The following BIRC6 variants were observed in gnomAD, a reference collection of about 807,000 sequenced individuals.
BIRC6 encodes the protein baculoviral IAP repeat containing 6.
Under a neutral mutation model 503.3 loss-of-function variants are expected in BIRC6, and 98 were observed. The observed-to-expected ratio is 0.19, with a 90% CI of 0.17 to 0.23. BIRC6 has a LOEUF of 0.23. BIRC6 is among the 10% of genes least tolerant of loss of function. The pLI is 1.00. For synonymous variants in BIRC6, 2,240 were observed against 2,078.7 expected, an observed-to-expected ratio of 1.08 and a Z score of -2.11; for missense variants, 5,360 against 5,806.0, an observed-to-expected ratio of 0.92 and a Z score of 2.50.
intron 1 of BIRC6, among the ~76,000 whole-genome samples, chr2:32,369,538 C>T (rs995149216): frequency 1.3e-5 from 2 of 150,306 alleles, no homozygotes; most frequent in South Asian, 4.2e-4. Context: ...AGCGTTTCTT[C>T]TGCTTCAGCC....
At chr2:32,530,368 G>C (rs2056633103) in intron 60 of BIRC6, among the ~76,000 whole-genome samples, 1 of 151,856 alleles carries the variant, frequency 6.6e-6, no homozygotes, top group African/African-American at 2.4e-5. Flanking sequence ...CCACCACCAT[G>C]CCTGGCTAAT....
chr2:32,565,375 T>C (rs2059466937), intron 65 of BIRC6: 1 of 152,174 alleles, frequency 6.6e-6, no homozygotes, highest in Non-Finnish European at 1.5e-5. Context: ...TAAGACATAT[T>C]TTATTAATTA....
chr2:32,423,075 G>T (rs1247102966), intron 10 of BIRC6, among the ~76,000 whole-genome samples: 1 of 152,076 alleles, frequency 6.6e-6, no homozygotes, highest in Non-Finnish European at 1.5e-5. Context: ...GGTTAGCTGG[G>T]ATTACAGGCG....
chr2:32,585,408 CTCACTCTGTCACCCAGTCTAGAGTGCT>C (rs1159286657), intron 66 of BIRC6, among the ~76,000 whole-genome samples: 1 of 149,330 alleles, frequency 6.7e-6, no homozygotes, highest in African/African-American at 2.5e-5. Flanking sequence ...GAGACAAAGT[CTCACTCTGTCACCCAGTCTAGAGTGCT>C]GTGGCGTGAT....
At chr2:32,537,959 C>G (rs1030239576) in intron 61 of BIRC6, among the ~76,000 whole-genome samples, 1 of 149,480 alleles carries the variant, frequency 6.7e-6, no homozygotes, top group Non-Finnish European at 1.5e-5. Flanking sequence ...AGCGAGACTC[C>G]GTCTCAAAAA....
At chr2:32,579,984 C>T (rs1407418009) in intron 66 of BIRC6, among the ~76,000 whole-genome samples, 8 of 144,918 alleles carry the variant, frequency 5.5e-5, no homozygotes, top group African/African-American at 1.5e-4. Context: ...GACAGAGTCT[C>T]GCTCTCTCGG....
intron 1 of BIRC6, among the ~76,000 whole-genome samples, chr2:32,371,976 T>G (rs1034625784): frequency 2.6e-5 from 4 of 151,786 alleles, no homozygotes; most frequent in Admixed American, 2.0e-4. Context: ...CAGTTATTTT[T>G]GTATTTTTAG....
intron 73 of BIRC6, among the ~76,000 whole-genome samples, chr2:32,613,017 G>A (rs1167859054): frequency 1.3e-5 from 2 of 151,996 alleles, no homozygotes; most frequent in Non-Finnish European, 2.9e-5. Flanking sequence ...CATCTCTCCA[G>A]TTCTCAACGC....
chr2:32,540,254 A>T (rs1559009557), intron 61 of BIRC6, among the ~76,000 whole-genome samples: 1 of 152,056 alleles, frequency 6.6e-6, no homozygotes, highest in Non-Finnish European at 1.5e-5. Flanking sequence ...AAATTGGAGC[A>T]TTTGACTACT....
At chr2:32,397,306 G>A (rs1573922019) in intron 6 of BIRC6, among the ~76,000 whole-genome samples, 1 of 151,786 alleles carries the variant, frequency 6.6e-6, no homozygotes, top group African/African-American at 2.4e-5. Flanking sequence ...CCCCGTCTCT[G>A]CTAAAGATAC....
intron 65 of BIRC6, among the ~76,000 whole-genome samples, chr2:32,562,905 A>G (rs1201286100): frequency 6.6e-6 from 1 of 152,160 alleles, no homozygotes; most frequent in South Asian, 2.1e-4. Context: ...AAACATTCAC[A>G]TACAGATTTT....
chr2:32,574,577 A>T (rs1265051713), intron 65 of BIRC6: 1 of 156,334 alleles, frequency 6.4e-6, no homozygotes, highest in Non-Finnish European at 1.4e-5. Context: ...TAGAAAATAT[A>T]TTTACTGTTC....
chr2:32,531,363 G>C lies in BIRC6; in HGVS notation c.12103G>C (p.Asp4035His), dbSNP rs1325019409. 1 of 1,610,556 alleles carries C rather than the reference G, an allele frequency of 6.2e-7. No individual in the cohort carries two copies. Among genetic ancestry groups the C allele is most frequent in the East Asian group, 2.2e-5 (1 of 44,814 alleles). ...TGTAATTTATTGTCTAGATCATGGA[G>C]ACTTACTTGCTAGCTGTCCAGAAGA... ...KRLHPEKDHGDLLASCPEDEA... is the reference protein window; with the variant it reads ...KRLHPEKDHGHLLASCPEDEA... The change falls in exon 61 of 74, where the codon GAC becomes CAC. Residue 4035 changes from aspartate to histidine, a missense_variant. Asp to His is a moderately conservative substitution (Grantham distance 81). Transcript: ENST00000421745.
At chr2:32,418,934 C>G (rs1249405817) in intron 10 of BIRC6, among the ~76,000 whole-genome samples, 6 of 152,086 alleles carry the variant, frequency 3.9e-5, no homozygotes, top group African/African-American at 1.4e-4. Flanking sequence ...GGCTACCGAG[C>G]AAGATTCCAT....
At chr2:32,461,645 G>GT (rs530837109) in intron 23 of BIRC6, among the ~76,000 whole-genome samples, 142 of 151,030 alleles carry the variant, frequency 9.4e-4, no homozygotes, top group Middle Eastern at 6.9e-3. Flanking sequence ...TGCAGTTTTT[G>GT]TTATTGGTAT....
chr2:32,382,147 G>T (rs1015192718), intron 3 of BIRC6, among the ~76,000 whole-genome samples: 1 of 152,196 alleles, frequency 6.6e-6, no homozygotes, highest in Non-Finnish European at 1.5e-5. Context: ...GAGGAACAAA[G>T]AGTAGAGATT....
intron 65 of BIRC6, chr2:32,565,684 G>A (rs1053206601): frequency 6.6e-6 from 1 of 152,130 alleles, no homozygotes; most frequent in African/African-American, 2.4e-5. Context: ...CCTGAGACTG[G>A]GTGAATTATA....
At chr2:32,375,735 TTCTC>T (rs199877284) in intron 1 of BIRC6, among the ~76,000 whole-genome samples, 1 of 130,344 alleles carries the variant, frequency 7.7e-6, no homozygotes. Context: ...TGTATTTTCT[TTCTC>T]TCTCTTTTTT....
At chr2:32,377,534 T>C (rs1302579390) in intron 1 of BIRC6, 54 bp from the exon 2 acceptor site, 1 of 1,410,112 alleles carries the variant, frequency 7.1e-7, no homozygotes, top group Non-Finnish European at 9.6e-7. Flanking sequence ...CATTTATTTT[T>C]AATAGACCAT....
Sources: allele counts gnomAD v4.1 joint callset (sites outside exome capture counted in the v4.1 genomes callset), GRCh38; gene constraint gnomAD v4.1.1; transcripts MANE v1.5; gene names NCBI Gene and HGNC (gene_info 2026-07-23, HGNC 2026-07-21).